The following PPA2 variants were observed in gnomAD, a reference collection of about 807,000 sequenced individuals.
PPA2 encodes inorganic pyrophosphatase 2, also known as inorganic pyrophosphatase 2, mitochondrial.
In PPA2, 48 loss-of-function variants were observed where a neutral mutation model predicts 49.5. The ratio of observed to expected loss-of-function variants is 0.97; its 90% CI spans 0.77 to 1.23. The LOEUF (loss-of-function observed/expected upper bound fraction) is 1.23. Among genes scored for constraint, PPA2 ranks in the 50% most tolerant of loss-of-function variants. The probability of loss-of-function intolerance (pLI) is 0.00; values close to 1 mark genes in which losing one functional copy is unlikely to be tolerated. For missense variants in PPA2, 429 were observed against 410.1 expected (o/e 1.05, Z -0.40); for synonymous variants, 131 against 139.9 (o/e 0.94, Z 0.45).
chr4:105,419,283 A>C (rs935274256), intron 7 of PPA2, among the ~76,000 whole-genome samples: 30 of 152,094 alleles, frequency 2.0e-4, no homozygotes, highest in Non-Finnish European at 1.5e-5. Context: ...CGTTAGGTAT[A>C]TCTCCTAATG....
intron 4 of PPA2, among the ~76,000 whole-genome samples, chr4:105,449,103 G>C (rs1722546379): frequency 7.3e-6 from 1 of 137,774 alleles, no homozygotes; most frequent in South Asian, 2.2e-4. Flanking sequence ...TGTAGTCCTA[G>C]CTACTTGGGA....
chr4:105,454,230 A>C (rs1163359349), intron 2 of PPA2, among the ~76,000 whole-genome samples: 1 of 152,232 alleles, frequency 6.6e-6, no homozygotes, highest in Non-Finnish European at 1.5e-5. Context: ...ATGACTACTA[A>C]TGAAGAAAAC....
chr4:105,473,717 C>T (rs1474044373), intron 1 of PPA2, 177 bp downstream of exon 1: 1 of 996,682 alleles, frequency 1.0e-6, no homozygotes, highest in Admixed American at 1.8e-5. Context: ...GCTGGCAGTT[C>T]TCGTGACTCG....
At chr4:105,394,551 CAT>C (rs1734058071) in intron 9 of PPA2, among the ~76,000 whole-genome samples, 1 of 151,976 alleles carries the variant, frequency 6.6e-6, no homozygotes, top group South Asian at 2.1e-4. Flanking sequence ...AATTACATAA[CAT>C]ATATAAATCA....
At chr4:105,409,427 T>C (rs1306720841) in intron 7 of PPA2, among the ~76,000 whole-genome samples, 4 of 152,180 alleles carry the variant, frequency 2.6e-5, no homozygotes, top group Admixed American at 1.3e-4. Context: ...TCAGTGCCCC[T>C]CTGCAAGGCC....
chr4:105,425,520 G>A (rs2110271817), intron 6 of PPA2, among the ~76,000 whole-genome samples: 1 of 152,246 alleles, frequency 6.6e-6, no homozygotes, highest in Middle Eastern at 3.4e-3. Flanking sequence ...TTTCCAAAGT[G>A]AAGCACAGAA....
intron 4 of PPA2, among the ~76,000 whole-genome samples, chr4:105,446,830 GC>G (rs1722405139): frequency 6.6e-6 from 1 of 151,980 alleles, no homozygotes; most frequent in Non-Finnish European, 1.5e-5. Flanking sequence ...CTAATCTCAG[GC>G]TTTATTATCA....
At chr4:105,383,384 T>G (rs1733568272) in intron 10 of PPA2, among the ~76,000 whole-genome samples, 1 of 152,202 alleles carries the variant, frequency 6.6e-6, no homozygotes, top group Admixed American at 6.5e-5. Context: ...ATTTGTTAGT[T>G]TATATTTTAT....
At chr4:105,464,213 A>G (rs1723208052) in intron 1 of PPA2, among the ~76,000 whole-genome samples, 2 of 152,336 alleles carry the variant, frequency 1.3e-5, no homozygotes, top group South Asian at 2.1e-4. Context: ...TGTGAGACAC[A>G]TGGAATCAAA....
Position 105,434,116 on chromosome 4 carries a change from T to C in PPA2, c.528+3834A>G, listed in dbSNP as rs917952641. 3.9e-5 allele frequency among the ~76,000 whole-genome samples: 6 copies of C among 152,144 alleles called. 1 individual carries two copies. Among genetic ancestry groups the C allele is most frequent in the Admixed American group, 1.3e-4 (2 of 15,272 alleles). On this transcript the variant is annotated intron_variant, in intron 6 of 11. Transcript: ENST00000341695. ...TGCTGGGATTACAGGCATGAGCCAC[T>C]GCACCCAGACTGCTCCATTCTAACA... is the stretch of plus-strand genomic sequence containing the variant.
intron 7 of PPA2, among the ~76,000 whole-genome samples, chr4:105,406,194 G>C (rs1179371492): frequency 6.9e-6 from 1 of 145,362 alleles, no homozygotes; most frequent in Non-Finnish European, 1.5e-5. Context: ...GGATATGGCA[G>C]GAAAAAAACA....
chr4:105,387,922 CA>C (rs1578804197), intron 9 of PPA2, among the ~76,000 whole-genome samples: 1 of 152,012 alleles, frequency 6.6e-6, no homozygotes, highest in Non-Finnish European at 1.5e-5. Flanking sequence ...TTAGACACTG[CA>C]AAAAAGTGCT....
rs987874047 is a variant in PPA2, at chr4:105,369,609, G to T, written c.*116C>A. 4.1e-5 allele frequency: 38 copies of T among 936,684 alleles called. No homozygotes were observed. Among genetic ancestry groups the T allele is most frequent in the Non-Finnish European group, 6.3e-5 (37 of 591,330 alleles). The allele number at this position is 936,684 out of a possible 1,614,324, so 58.0% of individuals were successfully genotyped here. ...ATTTATATATTGCATAGCTCAAAAA[G>T]TTTGAAAAAATGAAGTTTTAACAGG... is the stretch of plus-strand genomic sequence containing the variant. On this transcript the variant is annotated 3_prime_UTR_variant, in exon 12 of 12. Transcript: ENST00000341695.
At position 105,449,080 on chromosome 4, in the gene PPA2, A is replaced by G. The variant is rs368095721; in HGVS notation, c.321+270T>C. 2.9e-3 allele frequency among the ~76,000 whole-genome samples: 403 copies of G among 139,568 alleles called. 13 individuals carry two copies. In the East Asian group the frequency reaches 0.07, roughly 24 times the overall value. The allele number at this position is 139,568 out of a possible 152,430, so 91.6% of individuals were successfully genotyped here. On this transcript the variant is annotated intron_variant, in intron 4 of 11. Transcript: ENST00000341695. ...AAAACTACAAAAAATAGCCGGGCGTAGTGGCGGGCGCCTGTAGTCCTAGCT... is the reference window on the plus strand; with the variant it reads ...AAAACTACAAAAAATAGCCGGGCGTGGTGGCGGGCGCCTGTAGTCCTAGCT...
intron 10 of PPA2, among the ~76,000 whole-genome samples, chr4:105,376,105 G>A (rs984169570): frequency 6.6e-6 from 1 of 152,160 alleles, no homozygotes; most frequent in African/African-American, 2.4e-5. Flanking sequence ...TTCAGCTAAA[G>A]TCCTTCACCC....
At chr4:105,409,025 C>T (rs974943776) in intron 7 of PPA2, among the ~76,000 whole-genome samples, 57 of 152,284 alleles carry the variant, frequency 3.7e-4, no homozygotes, top group Admixed American at 2.0e-3. Flanking sequence ...AACTGAGGTA[C>T]GTGGTTCATC....
chr4:105,450,045 T>C (rs1016236213), intron 3 of PPA2, among the ~76,000 whole-genome samples: 1 of 152,174 alleles, frequency 6.6e-6, no homozygotes, highest in Non-Finnish European at 1.5e-5. Context: ...CTTCACTTTT[T>C]TTTTTTAATT....
At chr4:105,450,251 A>AC (rs776756100) in intron 3 of PPA2, among the ~76,000 whole-genome samples, 38 of 152,334 alleles carry the variant, frequency 2.5e-4, no homozygotes, top group East Asian at 1.2e-3. Context: ...GTAGCCAAAG[A>AC]CCAGGGCCAG....
intron 1 of PPA2, among the ~76,000 whole-genome samples, chr4:105,466,328 T>C (rs1484787973): frequency 6.6e-6 from 1 of 152,116 alleles, no homozygotes. Flanking sequence ...AGCATGGTTC[T>C]AGATACTAGA....
Sources: gnomAD v4.1 joint callset for allele counts (sites outside exome capture counted in the v4.1 genomes callset) on GRCh38, gnomAD v4.1.1 for gene constraint, MANE v1.5 for transcripts, NCBI Gene and HGNC (gene_info 2026-07-23, HGNC 2026-07-21) for gene names.